Variants in MTX2 observed in about 807,000 individuals in gnomAD.
The protein encoded by MTX2 is metaxin 2.
In MTX2, 35 loss-of-function variants were observed where a neutral mutation model predicts 42.3. That is an observed-to-expected ratio of 0.83 (90% CI 0.63 to 1.10). The LOEUF (loss-of-function observed/expected upper bound fraction) is 1.10. Ranked by LOEUF, MTX2 falls within the 50% of genes least tolerant of loss-of-function variation. The probability of loss-of-function intolerance (pLI) is 0.00; values close to 1 mark genes in which losing one functional copy is unlikely to be tolerated. For synonymous variants in MTX2, 119 were observed against 100.9 expected (o/e 1.18, Z -1.08); for missense variants, 307 against 304.1 (o/e 1.01, Z -0.07).
At chr2:176,303,987 A>G (rs1316193417) in intron 3 of MTX2, among the ~76,000 whole-genome samples, 1 of 152,060 alleles carries the variant, frequency 6.6e-6, no homozygotes, top group Non-Finnish European at 1.5e-5. Flanking sequence ...AAACAGAACC[A>G]TAAAGATACA....
At chr2:176,275,259 G>T (rs748608122) in intron 1 of MTX2, among the ~76,000 whole-genome samples, 4 of 150,454 alleles carry the variant, frequency 2.7e-5, no homozygotes, top group Non-Finnish European at 5.9e-5. Context: ...TTTTTTTGAG[G>T]TGGCATTTTA....
intron 1 of MTX2, among the ~76,000 whole-genome samples, chr2:176,296,605 G>T (rs1207718720): frequency 6.6e-6 from 1 of 151,896 alleles, no homozygotes; most frequent in Non-Finnish European, 1.5e-5. Flanking sequence ...TTTGGATTGG[G>T]CAAGGTATCT....
chr2:176,285,655 G>A (rs1406945890), intron 1 of MTX2, among the ~76,000 whole-genome samples: 1 of 150,950 alleles, frequency 6.6e-6, no homozygotes, highest in East Asian at 1.9e-4. Context: ...TTTTTATTGG[G>A]CATAATGCTT....
At chr2:176,316,078 A>G (rs951267031) in intron 3 of MTX2, among the ~76,000 whole-genome samples, 4 of 152,184 alleles carry the variant, frequency 2.6e-5, no homozygotes, top group Non-Finnish European at 5.9e-5. Context: ...TCCTTGATAC[A>G]TAGTGGGTGC....
In MTX2 at chr2:176,297,360, A is replaced by G. The variant is rs1683911686; in HGVS notation, c.88+453A>G. 2.0e-5 allele frequency among the ~76,000 whole-genome samples: 3 copies of G among 152,326 alleles called. No individual in the cohort carries two copies. The South Asian group carries it at 6.2e-4, about 32-fold the overall frequency. On this transcript the variant is annotated intron_variant, in intron 2 of 9. Coordinates refer to ENST00000249442, the MANE Select transcript of MTX2 (RefSeq NM_006554.5). ...GGCTTAGCAGCCTGCTACAGTTGTCAGAAGACTGCAAAGTAATGAAGACTA... is the reference window on the plus strand; with the variant it reads ...GGCTTAGCAGCCTGCTACAGTTGTCGGAAGACTGCAAAGTAATGAAGACTA...
chr2:176,289,114 TTG>T (rs1693271494), intron 1 of MTX2, among the ~76,000 whole-genome samples: 1 of 140,030 alleles, frequency 7.1e-6, no homozygotes, highest in Non-Finnish European at 1.6e-5. Context: ...AGTAAGAATA[TTG>T]TTTTTTTTGT....
chr2:176,314,601 G>A (rs1427052088), intron 3 of MTX2, among the ~76,000 whole-genome samples: 1 of 152,068 alleles, frequency 6.6e-6, no homozygotes, highest in Non-Finnish European at 1.5e-5. Flanking sequence ...TATTTAAGAT[G>A]TTTTGTTTTG....
rs1379653118 is a variant in MTX2, at chr2:176,274,147, C to T, written c.40+4478C>T. ...AGGTTTGTTGTCTAGTTTTTTTTTC[C>T]TGATAATGATAATGATATGTTGCCA... On this transcript the variant is annotated intron_variant, in intron 1 of 9. Coordinates refer to ENST00000249442, the MANE Select transcript of MTX2 (RefSeq NM_006554.5). Among the ~76,000 whole-genome samples, 5 of 150,960 alleles carry T rather than the reference C, an allele frequency of 3.3e-5. No individual in the cohort carries two copies. The East Asian group carries it at 9.7e-4, about 29-fold the overall frequency.
At chr2:176,276,196 A>C (rs1692942268) in intron 1 of MTX2, among the ~76,000 whole-genome samples, 1 of 152,232 alleles carries the variant, frequency 6.6e-6, no homozygotes, top group South Asian at 2.1e-4. Context: ...TATTAAAATT[A>C]CTTAGTAATG....
intron 1 of MTX2, among the ~76,000 whole-genome samples, chr2:176,269,967 G>A (rs1456318223): frequency 6.6e-6 from 1 of 152,074 alleles, no homozygotes; most frequent in Non-Finnish European, 1.5e-5. Context: ...CCTTGGATTG[G>A]GATTGAGGTG....
rs1415176060 is a variant in MTX2, at chr2:176,327,572, TATTA to T, written c.285+672_285+675del. ...TATATATCTCCAAAATATATATATA[TATTA>T]TTTTTTTTTTCTTCAACACCCTCCC... On this transcript the variant is annotated intron_variant, in intron 5 of 9. Coordinates refer to ENST00000249442, the MANE Select transcript of MTX2 (RefSeq NM_006554.5). Among the ~76,000 whole-genome samples, 12 of 119,768 alleles carry T rather than the reference TATTA, an allele frequency of 1.0e-4. No individual in the cohort carries two copies. In the South Asian group the frequency reaches 2.4e-3, roughly 24 times the overall value. The allele number at this position is 119,768 out of a possible 152,430, so 78.6% of individuals were successfully genotyped here.
Position 176,337,585 on chromosome 2 carries a change from A to C in MTX2, c.713A>C (p.Asn238Thr). 6.2e-7 allele frequency: 1 copy of C among 1,613,524 alleles called. No individual in the cohort carries two copies. The highest frequency in any genetic ancestry group is 8.5e-7 in the Non-Finnish European group (1 of 1,179,662). The change falls in exon 10 of 10, where the codon AAC becomes ACC. Residue 238 changes from asparagine to threonine, a missense_variant. Physicochemically the swap from Asn to Thr is moderately conservative, Grantham distance 65 (BLOSUM62 0). Transcript: ENST00000249442. Reference sequence around the variant, plus strand: ...GATGAACTTTCTGAGAAGGTGAAAAACTATAGCAACCTCCTTGCTTTCTGT... The same window carrying C: ...GATGAACTTTCTGAGAAGGTGAAAACCTATAGCAACCTCCTTGCTTTCTGT... ...TNDELSEKVKNYSNLLAFCRR... is the reference protein window; with the variant it reads ...TNDELSEKVKTYSNLLAFCRR...
At chr2:176,296,759 G>A in intron 1 of MTX2, 101 bp from the exon 2 acceptor site, 1 of 1,206,242 alleles carries the variant, frequency 8.3e-7, no homozygotes, top group South Asian at 1.2e-5. Context: ...CTTAGCAAAT[G>A]ACTTTAAATG....
intron 3 of MTX2, among the ~76,000 whole-genome samples, chr2:176,322,855 G>A (rs4464319): frequency 0.53 from 80,686 of 151,512 alleles, 21,707 homozygotes; most frequent in Admixed American, 0.63. Flanking sequence ...GTAACTATGA[G>A]CAAAGATAAA....
chr2:176,296,093 C>G (rs1683869139), intron 1 of MTX2, among the ~76,000 whole-genome samples: 1 of 152,174 alleles, frequency 6.6e-6, no homozygotes, highest in African/African-American at 2.4e-5. Flanking sequence ...AAATCTAGTA[C>G]TTTTCCCAAA....
chr2:176,329,509 A>AAT (rs1553475527), intron 8 of MTX2, 83 bp downstream of exon 8: 5 of 1,286,720 alleles, frequency 3.9e-6, no homozygotes, highest in African/African-American at 1.6e-5. Context: ...CCTTTAAAAA[A>AAT]ATATATATAA....
intron 4 of MTX2, among the ~76,000 whole-genome samples, chr2:176,326,422 A>G (rs979166655): frequency 2.6e-5 from 4 of 151,738 alleles, no homozygotes; most frequent in Admixed American, 2.0e-4. Context: ...ATATAGATTG[A>G]TTCACTGTAC....
chr2:176,321,155 C>A (rs188951277), intron 3 of MTX2, among the ~76,000 whole-genome samples: 1 of 152,058 alleles, frequency 6.6e-6, no homozygotes, highest in African/African-American at 2.4e-5. Flanking sequence ...GTTTTCAGAT[C>A]CAGGCTTTTT....
At chr2:176,333,003 A>G (rs1036476936) in intron 9 of MTX2, among the ~76,000 whole-genome samples, 3 of 151,458 alleles carry the variant, frequency 2.0e-5, no homozygotes. Context: ...TGTTATGAAA[A>G]CGTTGAATTT....
Sources: gnomAD v4.1 joint callset for allele counts (sites outside exome capture counted in the v4.1 genomes callset) on GRCh38, gnomAD v4.1.1 for gene constraint, MANE v1.5 for transcripts, NCBI Gene and HGNC (gene_info 2026-07-23, HGNC 2026-07-21) for gene names.